MAML2: variants seen among roughly 807,000 people sequenced by gnomAD.
The protein encoded by MAML2 is mastermind like transcriptional coactivator 2.
Under a neutral mutation model 96.1 loss-of-function variants are expected in MAML2, and 22 were observed. The observed-to-expected ratio is 0.23, with a 90% CI of 0.16 to 0.33. MAML2 has a LOEUF of 0.33. MAML2 is among the 10% of genes least tolerant of loss of function. The pLI, the probability that MAML2 is intolerant of heterozygous loss-of-function variation, is 1.00. For synonymous variants in MAML2, 561 were observed against 521.3 expected (o/e 1.08, Z -1.04); for missense variants, 1,367 against 1,392.4 (o/e 0.98, Z 0.29).
intron 1 of MAML2, among the ~76,000 whole-genome samples, chr11:96,213,428 A>T (rs1862000111): frequency 6.6e-6 from 1 of 152,206 alleles, no homozygotes; most frequent in Non-Finnish European, 1.5e-5. Context: ...TACATTAACA[A>T]ACACTAACCT....
intron 1 of MAML2, among the ~76,000 whole-genome samples, chr11:96,315,174 G>C (rs1418432789): frequency 6.6e-6 from 1 of 152,064 alleles, no homozygotes; most frequent in Non-Finnish European, 1.5e-5. Context: ...ACTTGACAAT[G>C]TCTGATCCCA....
At chr11:96,335,512 G>A (rs1863909319) in intron 1 of MAML2, among the ~76,000 whole-genome samples, 1 of 152,032 alleles carries the variant, frequency 6.6e-6, no homozygotes, top group Non-Finnish European at 1.5e-5. Flanking sequence ...AGTGTCAAAG[G>A]GCATGTCATG....
chr11:96,289,300 A>T (rs1863179661), intron 1 of MAML2, among the ~76,000 whole-genome samples: 1 of 152,208 alleles, frequency 6.6e-6, no homozygotes, highest in Non-Finnish European at 1.5e-5. Context: ...GTCTTCAAGG[A>T]TAACTGTGCT....
chr11:96,082,786 T>C (rs1340590121), intron 2 of MAML2, among the ~76,000 whole-genome samples: 1 of 152,060 alleles, frequency 6.6e-6, no homozygotes, highest in Non-Finnish European at 1.5e-5. Flanking sequence ...AGAATTACAG[T>C]ATCAAAGCAC....
chr11:96,257,985 AT>A (rs1862692972), intron 1 of MAML2, among the ~76,000 whole-genome samples: 1 of 152,178 alleles, frequency 6.6e-6, no homozygotes, highest in South Asian at 2.1e-4. Flanking sequence ...CTTGATCCTA[AT>A]TTTATGGCCT....
intron 2 of MAML2, among the ~76,000 whole-genome samples, chr11:96,015,584 A>ATG (rs1491096412): frequency 1.8e-5 from 1 of 55,286 alleles, no homozygotes; most frequent in Non-Finnish European, 3.6e-5. Flanking sequence ...AAAAAAAAAA[A>ATG]GGGGGGGGGG....
chr11:96,245,825 C>A (rs1302363006), intron 1 of MAML2, among the ~76,000 whole-genome samples: 1 of 151,940 alleles, frequency 6.6e-6, no homozygotes, highest in African/African-American at 2.4e-5. Flanking sequence ...CTGCCTCAGC[C>A]TCCTGAGTAG....
chr11:96,341,662 G>A lies in MAML2; in HGVS notation c.234C>T (p.Ser78=). The change falls in exon 1 of 5, where the codon AGC becomes AGT. Residue 78 remains serine (S), a synonymous_variant. Transcript: ENST00000524717. The part of the protein sequence containing the change: ...RERESTLQLL[S]LVQHGQGARK... The stretch of plus-strand genomic sequence containing the variant: ...TTGCCCCCTGGCCATGCTGTACAAG[G>A]CTCAGGAGCTGCAAGGTGCTTTCTC... The A allele has an allele frequency of 6.3e-7, 1 of 1,575,280 alleles. No homozygotes were observed. Among genetic ancestry groups the A allele is most frequent in the Non-Finnish European group, 8.6e-7 (1 of 1,159,758 alleles).
At chr11:95,980,047 G>T in intron 4 of MAML2, 84 bp from the exon 5 acceptor site, 2 of 1,055,490 alleles carry the variant, frequency 1.9e-6, no homozygotes, top group South Asian at 1.6e-5. Context: ...TCATCAATCT[G>T]AAACTGCTTT....
intron 4 of MAML2, among the ~76,000 whole-genome samples, chr11:95,981,995 T>A (rs963602594): frequency 1.3e-5 from 2 of 152,216 alleles, no homozygotes; most frequent in African/African-American, 4.8e-5. Flanking sequence ...TAAAAGCTCC[T>A]AACAGGTGAC....
chr11:96,125,252 T>C (rs1591027693), intron 1 of MAML2, among the ~76,000 whole-genome samples: 1 of 152,250 alleles, frequency 6.6e-6, no homozygotes, highest in Middle Eastern at 3.4e-3. Context: ...ACTGTGGTTA[T>C]TCAAGCAGGA....
chr11:96,273,565 C>G (rs1007956502), intron 1 of MAML2, among the ~76,000 whole-genome samples: 3 of 151,874 alleles, frequency 2.0e-5, no homozygotes, highest in Admixed American at 2.0e-4. Context: ...AAGTTATTCT[C>G]CATAGTGCTA....
At chr11:96,034,432 T>TGTGAGAGAGAGAGA (rs549312275) in intron 2 of MAML2, among the ~76,000 whole-genome samples, 3 of 135,650 alleles carry the variant, frequency 2.2e-5, no homozygotes, top group Admixed American at 7.4e-5. Context: ...TGTGTGTGTG[T>TGTGAGAGAGAGAGA]GAGAGAGAGA....
intron 2 of MAML2, among the ~76,000 whole-genome samples, chr11:96,016,022 G>T (rs576618518): frequency 5.9e-5 from 9 of 152,154 alleles, no homozygotes; most frequent in African/African-American, 2.2e-4. Context: ...CATAAAAGAC[G>T]TATTTGGGGC....
chr11:96,192,248 T>C (rs1861664254), intron 1 of MAML2, among the ~76,000 whole-genome samples: 1 of 152,192 alleles, frequency 6.6e-6, no homozygotes, highest in South Asian at 2.1e-4. Flanking sequence ...ATGTGGTTTC[T>C]GGGAAGAATG....
intron 2 of MAML2, among the ~76,000 whole-genome samples, chr11:96,003,337 G>A (rs1565186765): frequency 6.6e-6 from 1 of 152,094 alleles, no homozygotes. Flanking sequence ...TTGAGGGCCT[G>A]CATTTTTTAT....
intron 1 of MAML2, among the ~76,000 whole-genome samples, chr11:96,314,426 A>G (rs148774358): frequency 6.6e-6 from 1 of 152,354 alleles, no homozygotes; most frequent in East Asian, 1.9e-4. Flanking sequence ...AGTAAGAACA[A>G]GACCAGCTTG....
At chr11:96,043,995 G>T (rs1430213088) in intron 2 of MAML2, among the ~76,000 whole-genome samples, 1 of 152,244 alleles carries the variant, frequency 6.6e-6, no homozygotes, top group African/African-American at 2.4e-5. Context: ...ATGGCCCAGG[G>T]CCTATGGCCC....
chr11:96,277,518 G>C (rs920013297), intron 1 of MAML2, among the ~76,000 whole-genome samples: 1 of 151,904 alleles, frequency 6.6e-6, no homozygotes, highest in Non-Finnish European at 1.5e-5. Context: ...TGGGAGGGCC[G>C]AGGCAGGTGG....
Sources: gnomAD v4.1 joint callset for allele counts (sites outside exome capture counted in the v4.1 genomes callset) on GRCh38, gnomAD v4.1.1 for gene constraint, MANE v1.5 for transcripts, NCBI Gene and HGNC (gene_info 2026-07-23, HGNC 2026-07-21) for gene names.